The following MICU2 variants were observed in gnomAD, a reference collection of about 807,000 sequenced individuals.
The protein encoded by MICU2 is calcium uptake protein 2, mitochondrial.
In MICU2, 64 loss-of-function variants were observed where a neutral mutation model predicts 60.4. That is an observed-to-expected ratio of 1.06 (90% confidence interval 0.87 to 1.31). The LOEUF is 1.31. MICU2 is among the 50% of genes most tolerant of loss of function. The pLI, the probability that MICU2 is intolerant of heterozygous loss-of-function variation, is 0.00. For synonymous variants in MICU2, 201 were observed against 175.0 expected (o/e 1.15, Z -1.17); for missense variants, 569 against 531.0 (o/e 1.07, Z -0.70).
At chr13:21,550,193 C>T (rs6490660) in intron 2 of MICU2, among the ~76,000 whole-genome samples, 114,340 of 152,056 alleles carry the variant, frequency 0.75, 45,048 homozygotes, top group East Asian at 1. Context: ...CAAAGCTACA[C>T]AAATTTATTA....
chr13:21,542,116 C>T (rs991130967), intron 2 of MICU2, among the ~76,000 whole-genome samples: 1 of 151,936 alleles, frequency 6.6e-6, no homozygotes, highest in African/African-American at 2.4e-5. Context: ...GTTAATGCAC[C>T]TCTCCCTGAG....
At chr13:21,556,743 T>TA (rs1279597197) in intron 2 of MICU2, among the ~76,000 whole-genome samples, 1 of 152,094 alleles carries the variant, frequency 6.6e-6, no homozygotes, top group Non-Finnish European at 1.5e-5. Context: ...CTTATGGCCT[T>TA]AATTTGCTCA....
intron 7 of MICU2, among the ~76,000 whole-genome samples, chr13:21,513,606 G>A (rs1886486133): frequency 1.3e-5 from 2 of 151,710 alleles, no homozygotes; most frequent in Non-Finnish European, 2.9e-5. Context: ...GTGTGTGGGT[G>A]GCATGTGCCT....
At chr13:21,543,368 AG>A (rs1466825527) in intron 2 of MICU2, among the ~76,000 whole-genome samples, 4 of 152,214 alleles carry the variant, frequency 2.6e-5, no homozygotes, top group Non-Finnish European at 4.4e-5. Context: ...CAAATTGGAA[AG>A]GAAGAAGTCA....
At chr13:21,581,859 A>G (rs1888355105) in intron 1 of MICU2, among the ~76,000 whole-genome samples, 1 of 152,230 alleles carries the variant, frequency 6.6e-6, no homozygotes, top group Non-Finnish European at 1.5e-5. Flanking sequence ...TAAAGAATAC[A>G]CACAACTGCT....
At chr13:21,592,122 G>C (rs1200686176) in intron 1 of MICU2, among the ~76,000 whole-genome samples, 1 of 150,968 alleles carries the variant, frequency 6.6e-6, no homozygotes, top group Admixed American at 6.6e-5. Flanking sequence ...TAAACTACTA[G>C]CTAGAATAAA....
At chr13:21,522,753 T>A in intron 4 of MICU2, 103 bp from the exon 5 acceptor site, 2 of 798,790 alleles carry the variant, frequency 2.5e-6, no homozygotes, top group Non-Finnish European at 3.8e-6. Flanking sequence ...AATTTTACTT[T>A]AAATTACCTC....
At chr13:21,553,931 C>A (rs375057105) in intron 2 of MICU2, among the ~76,000 whole-genome samples, 10 of 151,452 alleles carry the variant, frequency 6.6e-5, no homozygotes, top group East Asian at 2.0e-4. Flanking sequence ...AAAAGAGACA[C>A]AGAAGGCCAT....
chr13:21,536,846 A>G (rs1566151668), intron 4 of MICU2, among the ~76,000 whole-genome samples: 1 of 152,244 alleles, frequency 6.6e-6, no homozygotes, highest in Non-Finnish European at 1.5e-5. Flanking sequence ...AGAGTGGTCC[A>G]TCTCTCAGAT....
At chr13:21,513,050 G>T (rs1380144641) in intron 7 of MICU2, among the ~76,000 whole-genome samples, 3 of 150,164 alleles carry the variant, frequency 2.0e-5, no homozygotes, top group African/African-American at 7.6e-5. Context: ...ATATACACAT[G>T]ACTGATTTTT....
chr13:21,564,267 T>TA (rs1887921707), intron 2 of MICU2, among the ~76,000 whole-genome samples: 1 of 152,202 alleles, frequency 6.6e-6, no homozygotes, highest in Non-Finnish European at 1.5e-5. Flanking sequence ...TGGTAAAAGT[T>TA]ACTGAGGTAG....
chr13:21,542,355 T>A (rs1020794414), intron 2 of MICU2, among the ~76,000 whole-genome samples: 2 of 152,204 alleles, frequency 1.3e-5, no homozygotes, highest in African/African-American at 2.4e-5. Context: ...TGGACAATAT[T>A]TTTCTATTTA....
At chr13:21,524,861 A>C (rs1210805322) in intron 4 of MICU2, among the ~76,000 whole-genome samples, 2 of 152,196 alleles carry the variant, frequency 1.3e-5, no homozygotes, top group Non-Finnish European at 2.9e-5. Context: ...ACCTAAGATG[A>C]ATCATACGAT....
intron 3 of MICU2, 63 bp downstream of exon 3, chr13:21,539,594 G>A (rs373155264): frequency 8.4e-5 from 135 of 1,605,540 alleles, no homozygotes; most frequent in Middle Eastern, 3.3e-4. Flanking sequence ...CACCGTGCCC[G>A]GCCAAAAGTT....
At chr13:21,589,963 G>A (rs1048316680) in intron 1 of MICU2, among the ~76,000 whole-genome samples, 2 of 152,198 alleles carry the variant, frequency 1.3e-5, no homozygotes, top group Non-Finnish European at 2.9e-5. Context: ...CCCTTCTATA[G>A]AAGTACCTTG....
chr13:21,514,434 A>G lies in MICU2; in HGVS notation c.598-16T>C. On this transcript the variant is annotated splice_polypyrimidine_tract_variant and intron_variant, in intron 6 of 11. Coordinates refer to ENST00000382374, the MANE Select transcript of MICU2 (RefSeq NM_152726.3). ...TCTTCTGCAGCTAAAAAGATTACAA[A>G]CATGAGTTTACATGTGTGCCTACCA... The G allele has an allele frequency of 6.3e-7, 1 of 1,594,680 alleles. No individual in the cohort carries two copies. Among genetic ancestry groups the G allele is most frequent in the Non-Finnish European group, 8.6e-7 (1 of 1,165,564 alleles).
intron 1 of MICU2, among the ~76,000 whole-genome samples, chr13:21,582,390 T>G (rs1459172940): frequency 6.6e-6 from 1 of 152,164 alleles, no homozygotes; most frequent in Admixed American, 6.5e-5. Context: ...CCCTAATTTT[T>G]CTATAATATA....
rs1886526221 is a variant in MICU2, at chr13:21,514,791, C to T, written c.598-373G>A. On this transcript the variant is annotated intron_variant, in intron 6 of 11. Transcript: ENST00000382374. The stretch of plus-strand genomic sequence containing the variant: ...TCCTGACTTTGTGATCCACCCGCCT[C>T]GGCCTCCCAAAGTGCTGGGATTACA... Among the ~76,000 whole-genome samples the T allele has an allele frequency of 4.6e-5, 7 of 151,904 alleles. No individual in the cohort carries two copies. The South Asian group carries it at 1.2e-3, about 27-fold the overall frequency.
intron 1 of MICU2, among the ~76,000 whole-genome samples, chr13:21,575,131 G>A (rs936113890): frequency 6.6e-6 from 1 of 151,868 alleles, no homozygotes; most frequent in Middle Eastern, 3.2e-3. Context: ...TTTTAGATGA[G>A]GATGGTAAAA....
Sources: gnomAD v4.1 joint callset for allele counts (sites outside exome capture counted in the v4.1 genomes callset) on GRCh38, gnomAD v4.1.1 for gene constraint, MANE v1.5 for transcripts, NCBI Gene and HGNC (gene_info 2026-07-23, HGNC 2026-07-21) for gene names.